The following ENTREP2 variants were observed in gnomAD, a reference collection of about 807,000 sequenced individuals.
ENTREP2 encodes the protein endosomal transmembrane epsin interactor 2.
the ENTREP2 span, among the ~76,000 whole-genome samples, chr15:29,394,240 C>A: frequency 2.0e-5 from 3 of 152,178 alleles, no homozygotes; most frequent in Non-Finnish European, 4.4e-5. Context: ...TTAGTGAAAT[C>A]TCTATCAAAA....
the ENTREP2 span, among the ~76,000 whole-genome samples, chr15:29,605,730 G>A: frequency 0.23 from 35,236 of 151,774 alleles, 4,481 homozygotes; most frequent in African/African-American, 0.32. Context: ...CCAGCTACTC[G>A]GGAGGCTGAG....
chr15:29,302,089 T>A, the ENTREP2 span, among the ~76,000 whole-genome samples: 2 of 152,326 alleles, frequency 1.3e-5, no homozygotes, highest in South Asian at 4.1e-4. Context: ...ATTTCCCTGT[T>A]TTTTTCATTT....
At chr15:29,556,272 A>T in the ENTREP2 span, among the ~76,000 whole-genome samples, 1 of 152,172 alleles carries the variant, frequency 6.6e-6, no homozygotes, top group Non-Finnish European at 1.5e-5. Flanking sequence ...TCTCTCCGAC[A>T]GTTATCTCCT....
the ENTREP2 span, among the ~76,000 whole-genome samples, chr15:29,391,523 ATGAGTC>A: frequency 6.6e-6 from 1 of 152,198 alleles, no homozygotes; most frequent in Non-Finnish European, 1.5e-5. Context: ...TAAATAACTC[ATGAGTC>A]AAAAGATACT....
the ENTREP2 span, among the ~76,000 whole-genome samples, chr15:29,348,449 A>G: frequency 6.6e-6 from 1 of 152,150 alleles, no homozygotes; most frequent in Non-Finnish European, 1.5e-5. Context: ...CTCAGGGAGC[A>G]GTGTGGAGGC....
the ENTREP2 span, among the ~76,000 whole-genome samples, chr15:29,415,150 T>C: frequency 6.6e-6 from 1 of 152,188 alleles, no homozygotes; most frequent in Non-Finnish European, 1.5e-5. Flanking sequence ...TAACTCATTT[T>C]ATGAGGCCAG....
chr15:29,425,878 T>G, the ENTREP2 span, among the ~76,000 whole-genome samples: 221 of 152,086 alleles, frequency 1.5e-3, 2 homozygotes, highest in East Asian at 0.04. Flanking sequence ...AACAACCACA[T>G]TAGTGTCAAC....
chr15:29,123,203 G>T, the ENTREP2 span: 1 of 946,236 alleles, frequency 1.1e-6, no homozygotes, highest in Non-Finnish European at 1.5e-6. Context: ...ACCGCCCCCA[G>T]ATCATCCTGG....
chr15:29,368,531 T>C, the ENTREP2 span, among the ~76,000 whole-genome samples: 2 of 151,556 alleles, frequency 1.3e-5, no homozygotes, highest in East Asian at 1.9e-4. Context: ...AAGATGACAA[T>C]GATATCTCAC....
At chr15:29,527,473 G>C in the ENTREP2 span, among the ~76,000 whole-genome samples, 3 of 152,134 alleles carry the variant, frequency 2.0e-5, no homozygotes, top group Admixed American at 6.6e-5. Flanking sequence ...AATAGTTTGT[G>C]TCCCTGTTGT....
chr15:29,472,428 AACACACACACACACAC>A, the ENTREP2 span, among the ~76,000 whole-genome samples: 747 of 140,708 alleles, frequency 5.3e-3, 8 homozygotes, highest in African/African-American at 0.018. Context: ...CACAACACAC[AACACACACACACACAC>A]ACACACACAC....
chr15:29,226,205 T>A, the ENTREP2 span, among the ~76,000 whole-genome samples: 1 of 152,234 alleles, frequency 6.6e-6, no homozygotes, highest in Non-Finnish European at 1.5e-5. Flanking sequence ...GACAGATAGA[T>A]ATTTCTATGG....
chr15:29,648,117 T>C, the ENTREP2 span, among the ~76,000 whole-genome samples: 1,037 of 152,276 alleles, frequency 6.8e-3, 18 homozygotes, highest in African/African-American at 0.023. Context: ...CTTACGCCCA[T>C]TTGGCACATT....
At chr15:29,631,332 G>GT in the ENTREP2 span, among the ~76,000 whole-genome samples, 1 of 152,160 alleles carries the variant, frequency 6.6e-6, no homozygotes, top group Non-Finnish European at 1.5e-5. Flanking sequence ...GTCTTTGATT[G>GT]TATCTTGGAG....
the ENTREP2 span, among the ~76,000 whole-genome samples, chr15:29,502,091 G>A: frequency 4.6e-5 from 7 of 151,804 alleles, no homozygotes; most frequent in Admixed American, 2.0e-4. Context: ...AAATCTCATC[G>A]AGAATTTTTT....
At chr15:29,491,269 C>G in the ENTREP2 span, among the ~76,000 whole-genome samples, 1 of 152,190 alleles carries the variant, frequency 6.6e-6, no homozygotes, top group East Asian at 1.9e-4. Flanking sequence ...CACACCTCCC[C>G]GTAAGCAGAG....
the ENTREP2 span, among the ~76,000 whole-genome samples, chr15:29,653,353 G>A: frequency 1.2e-3 from 178 of 151,854 alleles, 1 homozygote; most frequent in South Asian, 0.035. Context: ...CCCTTATATC[G>A]ATTTGGATTC....
At chr15:29,124,442 C>A in the ENTREP2 span, among the ~76,000 whole-genome samples, 1 of 152,184 alleles carries the variant, frequency 6.6e-6, no homozygotes, top group Non-Finnish European at 1.5e-5. Context: ...CCCATCTACC[C>A]CAGATGAAAT....
the ENTREP2 span, among the ~76,000 whole-genome samples, chr15:29,608,117 A>C: frequency 2.0e-5 from 3 of 152,102 alleles, no homozygotes; most frequent in African/African-American, 7.2e-5. Flanking sequence ...TGTGCCCACC[A>C]GATTAAGGGT....
Sources: allele counts gnomAD v4.1 joint callset (sites outside exome capture counted in the v4.1 genomes callset), GRCh38; gene constraint gnomAD v4.1.1; transcripts MANE v1.5; gene names NCBI Gene and HGNC (gene_info 2026-07-23, HGNC 2026-07-21).